Variants in OXCT1 observed in about 807,000 individuals in gnomAD.
OXCT1 encodes succinyl-CoA:3-ketoacid coenzyme A transferase 1, mitochondrial.
A neutral mutation model predicts 69.6 loss-of-function variants in OXCT1; 27 were observed. The observed-to-expected ratio is 0.39, with a 90% CI of 0.29 to 0.54. OXCT1 has a LOEUF of 0.54. Among genes scored for constraint, OXCT1 ranks in the 20% least tolerant of loss-of-function variants. OXCT1 has a pLI of 0.72. For synonymous variants in OXCT1, 202 were observed against 217.8 expected, an observed-to-expected ratio of 0.93 and a Z score of 0.64; for missense variants, 437 against 650.2, an observed-to-expected ratio of 0.67 and a Z score of 3.57.
At chr5:41,786,951 G>C (rs933078629) in intron 13 of OXCT1, among the ~76,000 whole-genome samples, 3 of 152,172 alleles carry the variant, frequency 2.0e-5, no homozygotes, top group Non-Finnish European at 4.4e-5. Flanking sequence ...CAAAACAAGA[G>C]AGAAAATGAT....
At chr5:41,748,605 T>C (rs1433412753) in intron 15 of OXCT1, among the ~76,000 whole-genome samples, 28 of 151,988 alleles carry the variant, frequency 1.8e-4, no homozygotes, top group Admixed American at 1.8e-3. Context: ...TCCACATAAG[T>C]AGTCCTGGGG....
chr5:41,735,224 A>G (rs1398115150), intron 16 of OXCT1, among the ~76,000 whole-genome samples: 1 of 152,248 alleles, frequency 6.6e-6, no homozygotes. Context: ...GTGGGTCATG[A>G]AAGTGTGGTA....
At chr5:41,735,765 G>A (rs1369904651) in intron 16 of OXCT1, among the ~76,000 whole-genome samples, 2 of 152,116 alleles carry the variant, frequency 1.3e-5, no homozygotes, top group East Asian at 1.9e-4. Context: ...CCTGACCTCC[G>A]GTGTGTCCCT....
chr5:41,794,269 G>A, intron 12 of OXCT1, 191 bp from the exon 13 acceptor site: 1 of 631,570 alleles, frequency 1.6e-6, no homozygotes, highest in Non-Finnish European at 2.8e-6. Flanking sequence ...TGAAAAAAAA[G>A]TTACAGTATA....
intron 9 of OXCT1, 38 bp from the exon 10 acceptor site, chr5:41,803,201 GTA>G: frequency 1.5e-6 from 2 of 1,356,238 alleles, no homozygotes; most frequent in South Asian, 2.3e-5. Context: ...CATATAAAAG[GTA>G]GAGAAGTTAT....
chr5:41,734,724 A>G (rs1184194044), intron 16 of OXCT1, among the ~76,000 whole-genome samples: 1 of 152,236 alleles, frequency 6.6e-6, no homozygotes, highest in Non-Finnish European at 1.5e-5. Context: ...AGCATAAAAG[A>G]CAGACAGAAG....
rs950508233 is a variant in OXCT1, at chr5:41,762,351, T to C, written c.1249-151A>G. ...TGAAGTTCTATAACCTAATATTCTG[T>C]CACTCTATTATTCTGTGGTTGAAGG... On this transcript the variant is annotated intron_variant, in intron 13 of 16. Coordinates refer to ENST00000196371, the MANE Select transcript of OXCT1 (RefSeq NM_000436.4). The surrounding 1 kb of genome is among the most constrained non-coding windows in gnomAD (Gnocchi z 4.0). The C allele has an allele frequency of 2.1e-5, 15 of 726,938 alleles. No homozygotes were observed. The African/African-American group carries it at 2.1e-4, about 10-fold the overall frequency. 45.0% of individuals were successfully genotyped at this position (726,938 alleles called of 1,614,324 possible).
intron 8 of OXCT1, among the ~76,000 whole-genome samples, chr5:41,806,187 C>T (rs1027392602): frequency 6.6e-6 from 1 of 152,050 alleles, no homozygotes; most frequent in Non-Finnish European, 1.5e-5. Context: ...AAACTATTTC[C>T]TCTATTAAGT....
intron 15 of OXCT1, among the ~76,000 whole-genome samples, chr5:41,747,014 C>G (rs1022400099): frequency 2.0e-5 from 3 of 152,096 alleles, no homozygotes; most frequent in African/African-American, 7.2e-5. Flanking sequence ...TCTTAACTGG[C>G]TTCTGCCTTA....
intron 13 of OXCT1, among the ~76,000 whole-genome samples, chr5:41,773,630 C>CAA (rs1744988507): frequency 7.0e-6 from 1 of 143,280 alleles, no homozygotes. Flanking sequence ...CACCCCTCTG[C>CAA]CAAAAAAAAA....
At chr5:41,812,134 A>G (rs914478944) in intron 7 of OXCT1, among the ~76,000 whole-genome samples, 3 of 152,086 alleles carry the variant, frequency 2.0e-5, no homozygotes, top group Non-Finnish European at 4.4e-5. Context: ...AGGACCTCTA[A>G]CGAATAAGAA....
intron 4 of OXCT1, 54 bp downstream of exon 4, chr5:41,853,365 A>T: frequency 6.5e-7 from 1 of 1,546,554 alleles, no homozygotes; most frequent in Non-Finnish European, 8.9e-7. Context: ...CCACGGAGAA[A>T]AAAGGAATTT....
chr5:41,833,216 A>G (rs1401079382), intron 7 of OXCT1, among the ~76,000 whole-genome samples: 1 of 152,186 alleles, frequency 6.6e-6, no homozygotes, highest in Admixed American at 6.5e-5. Context: ...TTTGCGAGTT[A>G]ATCAAATTCC....
chr5:41,730,320 T>C lies in OXCT1; in HGVS notation c.*1409A>G, dbSNP rs1371994113. Reference sequence around the variant, plus strand: ...CTGGGAAGGTATGCATTTAACCATGTGGTCAGCCAGAAAGGCTGTTTTATA... The same window carrying C: ...CTGGGAAGGTATGCATTTAACCATGCGGTCAGCCAGAAAGGCTGTTTTATA... On this transcript the variant is annotated 3_prime_UTR_variant, in exon 17 of 17. Transcript: ENST00000196371. 6.6e-6 allele frequency: 1 copy of C among 152,248 alleles called. No homozygotes were observed. Among genetic ancestry groups the C allele is most frequent in the Non-Finnish European group, 1.5e-5 (1 of 68,046 alleles). The allele number at this position is 152,248 out of a possible 1,614,324, so 9.4% of individuals were successfully genotyped here. A position where few individuals can be genotyped will look rare whatever the true frequency, so the allele number is the denominator to read the frequency against.
chr5:41,771,613 A>C (rs1485178651), intron 13 of OXCT1, among the ~76,000 whole-genome samples: 1 of 152,210 alleles, frequency 6.6e-6, no homozygotes, highest in Non-Finnish European at 1.5e-5. Context: ...AACATCAGAC[A>C]ATATGGCTAA....
At chr5:41,767,301 A>C (rs1744652697) in intron 13 of OXCT1, among the ~76,000 whole-genome samples, 1 of 152,124 alleles carries the variant, frequency 6.6e-6, no homozygotes, top group South Asian at 2.1e-4. Flanking sequence ...AGGACAGGTG[A>C]ATTGATTATG....
chr5:41,745,819 C>T (rs375168755), intron 15 of OXCT1, among the ~76,000 whole-genome samples: 1 of 151,994 alleles, frequency 6.6e-6, no homozygotes, highest in Admixed American at 6.6e-5. Flanking sequence ...ATAAATTCCT[C>T]GACACATACA....
intron 16 of OXCT1, among the ~76,000 whole-genome samples, chr5:41,732,408 G>A (rs1742678757): frequency 1.3e-5 from 2 of 152,160 alleles, no homozygotes; most frequent in African/African-American, 4.8e-5. Context: ...ATGCTTTCCT[G>A]CGAATCTGCA....
intron 7 of OXCT1, among the ~76,000 whole-genome samples, chr5:41,823,839 T>C (rs1747680024): frequency 6.6e-6 from 1 of 152,224 alleles, no homozygotes; most frequent in African/African-American, 2.4e-5. Flanking sequence ...TCTGTCTTCC[T>C]AAATGTGAAG....
Sources: allele counts gnomAD v4.1 joint callset (sites outside exome capture counted in the v4.1 genomes callset), GRCh38; gene constraint gnomAD v4.1.1; non-coding constraint Gnocchi (gnomAD v3.1); transcripts MANE v1.5; gene names NCBI Gene and HGNC (gene_info 2026-07-23, HGNC 2026-07-21).